ADAM9: variants seen among roughly 807,000 people sequenced by gnomAD.
ADAM9 encodes the protein ADAM metallopeptidase domain 9.
In ADAM9, 54 loss-of-function variants were observed where a neutral mutation model predicts 108.1. The ratio of observed to expected loss-of-function variants is 0.50; its 90% CI spans 0.40 to 0.63. The LOEUF is 0.63. ADAM9 is among the 20% of genes least tolerant of loss of function. ADAM9 has a pLI of 0.00. For missense variants in ADAM9, 830 were observed against 997.7 expected, an observed-to-expected ratio of 0.83 and a Z score of 2.26; for synonymous variants, 316 against 336.0, an observed-to-expected ratio of 0.94 and a Z score of 0.65.
intron 11 of ADAM9, among the ~76,000 whole-genome samples, chr8:39,031,332 A>G (rs1487646488): frequency 6.6e-6 from 1 of 152,146 alleles, no homozygotes; most frequent in Non-Finnish European, 1.5e-5. Context: ...CTTTTATTGT[A>G]TTGCCTTTGC....
chr8:39,078,755 T>G (rs1343079976), intron 16 of ADAM9, among the ~76,000 whole-genome samples: 1 of 152,150 alleles, frequency 6.6e-6, no homozygotes, highest in Admixed American at 6.5e-5. Context: ...TACTCCAGCC[T>G]GGGCAACAAA....
intron 13 of ADAM9, among the ~76,000 whole-genome samples, chr8:39,055,362 CT>C (rs1168525142): frequency 6.6e-6 from 1 of 152,054 alleles, no homozygotes; most frequent in Non-Finnish European, 1.5e-5. Flanking sequence ...GTTTGCATTT[CT>C]TTTGGTTACA....
At chr8:39,093,166 C>T (rs1839404025) in intron 20 of ADAM9, among the ~76,000 whole-genome samples, 3 of 152,106 alleles carry the variant, frequency 2.0e-5, no homozygotes, top group Admixed American at 2.0e-4. Context: ...ATAGATATTG[C>T]ATTGAATCTG....
intron 11 of ADAM9, among the ~76,000 whole-genome samples, chr8:39,037,215 G>T (rs773993298): frequency 6.0e-5 from 9 of 149,540 alleles, no homozygotes; most frequent in African/African-American, 2.2e-4. Context: ...CCGCCACTGC[G>T]CCCGGCTAAT....
At chr8:39,014,938 G>A (rs1437786508) in intron 4 of ADAM9, 3 of 180,104 alleles carry the variant, frequency 1.7e-5, no homozygotes, top group Non-Finnish European at 1.2e-5. Context: ...TTGTTTAATA[G>A]AAAATTAGTA....
intron 1 of ADAM9, among the ~76,000 whole-genome samples, chr8:39,001,315 G>A (rs980052161): frequency 9.2e-5 from 14 of 152,220 alleles, no homozygotes; most frequent in African/African-American, 3.4e-4. Flanking sequence ...TAAGTCATAT[G>A]TGATAATTAC....
chr8:38,997,005 T>G lies in ADAM9; in HGVS notation c.-59T>G, dbSNP rs1451008866. 1 of 1,577,828 alleles carries G rather than the reference T, an allele frequency of 6.3e-7. No homozygotes were observed. The highest frequency in any genetic ancestry group is 8.6e-7 in the Non-Finnish European group (1 of 1,167,198). ...GGGCCCCGGCAGGGTTGGAAAATGA[T>G]GGAAGAGGCGGAGGTGGAGGCGACC... On this transcript the variant is annotated 5_prime_UTR_variant, in exon 1 of 22. The change abolishes an upstream ATG in the 5' untranslated region. Transcript: ENST00000487273.
At chr8:39,073,439 A>G (rs1023852946) in intron 15 of ADAM9, among the ~76,000 whole-genome samples, 4 of 152,198 alleles carry the variant, frequency 2.6e-5, no homozygotes, top group Non-Finnish European at 4.4e-5. Flanking sequence ...CATTTCTGGA[A>G]TATTCTTTTG....
At chr8:38,997,806 C>T (rs777813850) in intron 1 of ADAM9, among the ~76,000 whole-genome samples, 1 of 152,140 alleles carries the variant, frequency 6.6e-6, no homozygotes, top group African/African-American at 2.4e-5. Context: ...CTTAAAAAAT[C>T]TGTGTTTTTA....
intron 12 of ADAM9, among the ~76,000 whole-genome samples, chr8:39,046,920 C>T (rs1837793686): frequency 6.6e-6 from 1 of 152,064 alleles, no homozygotes; most frequent in Non-Finnish European, 1.5e-5. Flanking sequence ...AGGCATATGC[C>T]ACCATGCCTC....
chr8:39,100,692 A>AG (rs752939146), intron 20 of ADAM9, among the ~76,000 whole-genome samples: 1 of 152,184 alleles, frequency 6.6e-6, no homozygotes, highest in Non-Finnish European at 1.5e-5. Context: ...TGCAGATGAT[A>AG]GACCACCTGT....
chr8:39,055,160 G>C (rs1838078533), intron 13 of ADAM9, among the ~76,000 whole-genome samples: 1 of 152,060 alleles, frequency 6.6e-6, no homozygotes, highest in Admixed American at 6.6e-5. Flanking sequence ...GCTTATAAGA[G>C]AAATCACTGG....
chr8:39,054,600 A>AG (rs754367935), intron 13 of ADAM9, 27 bp downstream of exon 13: 10 of 1,184,042 alleles, frequency 8.4e-6, no homozygotes, highest in Middle Eastern at 1.9e-4. Flanking sequence ...TTTTGGAAAC[A>AG]GGAAAAAAAA....
At chr8:39,073,826 G>C (rs1164961429) in intron 15 of ADAM9, among the ~76,000 whole-genome samples, 5 of 152,074 alleles carry the variant, frequency 3.3e-5, no homozygotes, top group African/African-American at 1.2e-4. Flanking sequence ...AGTCATTTAG[G>C]AAGCATTTTA....
At chr8:39,070,257 T>G (rs1260462917) in intron 14 of ADAM9, among the ~76,000 whole-genome samples, 1 of 152,142 alleles carries the variant, frequency 6.6e-6, no homozygotes, top group East Asian at 1.9e-4. Flanking sequence ...CAACATTGTG[T>G]TAATGATATA....
intron 14 of ADAM9, among the ~76,000 whole-genome samples, chr8:39,057,607 T>C (rs1588393696): frequency 6.6e-6 from 1 of 152,198 alleles, no homozygotes; most frequent in East Asian, 1.9e-4. Flanking sequence ...CTCATGACCA[T>C]GGAAGAGCTA....
intron 1 of ADAM9, among the ~76,000 whole-genome samples, chr8:38,997,580 C>T (rs1265037229): frequency 6.6e-6 from 1 of 152,206 alleles, no homozygotes; most frequent in Non-Finnish European, 1.5e-5. Context: ...CTGGCTCTCG[C>T]TCGTGGAGTT....
intron 15 of ADAM9, among the ~76,000 whole-genome samples, chr8:39,076,845 C>G: frequency 6.6e-6 from 1 of 152,134 alleles, no homozygotes; most frequent in East Asian, 1.9e-4. Context: ...TTTATCATAA[C>G]TCTGTAAGAA....
chr8:39,091,076 C>T (rs1839339043), intron 19 of ADAM9, among the ~76,000 whole-genome samples, 183 bp from the exon 20 acceptor site: 1 of 151,996 alleles, frequency 6.6e-6, no homozygotes, highest in Admixed American at 6.6e-5. Flanking sequence ...TTTCTAATAC[C>T]ATAAGGATTA....
Sources: allele counts gnomAD v4.1 joint callset (sites outside exome capture counted in the v4.1 genomes callset), GRCh38; gene constraint gnomAD v4.1.1; transcripts MANE v1.5; gene names NCBI Gene and HGNC (gene_info 2026-07-23, HGNC 2026-07-21).